LRRC2: variants seen among roughly 807,000 people sequenced by gnomAD.
LRRC2 encodes the protein leucine-rich repeat-containing protein 2.
LRRC2 carries 27 observed loss-of-function variants against 40.2 expected under a neutral mutation model. The ratio of observed to expected loss-of-function variants is 0.67; its 90% CI spans 0.49 to 0.93. The LOEUF is 0.93. LRRC2 is among the 40% of genes least tolerant of loss of function. LRRC2 has a pLI of 0.00. For synonymous variants in LRRC2, 147 were observed against 158.9 expected, an observed-to-expected ratio of 0.92 and a Z score of 0.56; for missense variants, 402 against 439.6, an observed-to-expected ratio of 0.91 and a Z score of 0.76.
intron 2 of LRRC2, 53 bp downstream of exon 2, chr3:46,551,414 C>G (rs1704645958): frequency 1.3e-6 from 2 of 1,589,286 alleles, no homozygotes; most frequent in African/African-American, 1.3e-5. Context: ...TGTTGCCTGT[C>G]CAAATCCTTA....
chr3:46,556,456 T>A (rs1704796680), intron 1 of LRRC2, among the ~76,000 whole-genome samples: 1 of 152,024 alleles, frequency 6.6e-6, no homozygotes, highest in African/African-American at 2.4e-5. Context: ...TTTCTTCAGG[T>A]TAATTATTAT....
rs541481838 is a variant in LRRC2, at chr3:46,544,551, T to C, written c.333+495A>G. Reference sequence around the variant, plus strand: ...AGGGTCCCAGGGAACCCTGTCCCGATGAAATGGGCAATAGCCCAAGTTATT... The same window carrying C: ...AGGGTCCCAGGGAACCCTGTCCCGACGAAATGGGCAATAGCCCAAGTTATT... On this transcript the variant is annotated intron_variant, in intron 3 of 8. Transcript: ENST00000395905. 3.6e-4 allele frequency among the ~76,000 whole-genome samples: 55 copies of C among 152,300 alleles called. No homozygotes were observed. In the East Asian group the frequency reaches 4.2e-3, roughly 12 times the overall value.
intron 1 of LRRC2, among the ~76,000 whole-genome samples, chr3:46,564,652 G>C (rs536633871): frequency 6.6e-6 from 1 of 152,274 alleles, no homozygotes; most frequent in Non-Finnish European, 1.5e-5. Flanking sequence ...ACAGGAGCAA[G>C]GGATGGAGCA....
chr3:46,562,887 G>A (rs2001442), intron 1 of LRRC2, among the ~76,000 whole-genome samples: 57,712 of 151,784 alleles, frequency 0.38, 11,250 homozygotes, highest in East Asian at 0.63. Flanking sequence ...CACCATATCC[G>A]GCTAATTTTT....
Position 46,521,665 on chromosome 3 carries a change from G to T in LRRC2, c.930-7C>A. The T allele has an allele frequency of 6.2e-7, 1 of 1,604,398 alleles. No homozygotes were observed. Among genetic ancestry groups the T allele is most frequent in the South Asian group, 1.1e-5 (1 of 89,624 alleles). On this transcript the variant is annotated splice_polypyrimidine_tract_variant and splice_region_variant and intron_variant, in intron 7 of 8. Transcript: ENST00000395905. Reference sequence around the variant, plus strand: ...GTCCATAAGGCTTACAAATCTATTCGAGAAAGCATGGGAAGTATCACATTA... The same window carrying T: ...GTCCATAAGGCTTACAAATCTATTCTAGAAAGCATGGGAAGTATCACATTA...
In LRRC2 at chr3:46,539,156, A is replaced by G. The variant is rs2107012435; in HGVS notation, c.379T>C (p.Tyr127His). 2 of 1,613,996 alleles carry G rather than the reference A, an allele frequency of 1.2e-6. No homozygotes were observed. Among genetic ancestry groups the G allele is most frequent in the Non-Finnish European group, 1.7e-6 (2 of 1,179,910 alleles). Reference sequence around the variant, plus strand: ...ATTTGAATCAAGGTATTGCTTATGTACCATTCTCTCAGGTGTGTCTGCTCC... The same window carrying G: ...ATTTGAATCAAGGTATTGCTTATGTGCCATTCTCTCAGGTGTGTCTGCTCC... ...LKEQTHLREW[Y>H]ISNTLIQIIP... The change falls in exon 4 of 9, where the codon TAC (tyrosine) becomes CAC (histidine). Residue 127 changes from tyrosine (Y) to histidine (H), a missense_variant. Physicochemically the swap from Tyr to His is moderately conservative, Grantham distance 83. Transcript: ENST00000395905.
In LRRC2 at chr3:46,519,168, T is replaced by G. The variant is rs1703921433; in HGVS notation, c.1067-105A>C. 4 of 790,682 alleles carry G rather than the reference T, an allele frequency of 5.1e-6. No individual in the cohort carries two copies. In the South Asian group the frequency reaches 5.6e-5, roughly 11 times the overall value. The allele number at this position is 790,682 out of a possible 1,614,324, so 49.0% of individuals were successfully genotyped here. A position where few individuals can be genotyped will look rare whatever the true frequency, so the allele number is the denominator to read the frequency against. On this transcript the variant is annotated intron_variant, in intron 8 of 8. Transcript: ENST00000395905. ...TGAATGTATGTCAATACACCCATTA[T>G]TGTCACTTCATGTTTTAAGTATAGA...
chr3:46,556,866 C>T (rs531334740), intron 1 of LRRC2, among the ~76,000 whole-genome samples: 3 of 152,240 alleles, frequency 2.0e-5, no homozygotes, highest in South Asian at 2.1e-4. Context: ...CGTGAGCCAT[C>T]GCGCCCAGCC....
intron 8 of LRRC2, among the ~76,000 whole-genome samples, chr3:46,520,298 T>C (rs1703943201): frequency 6.6e-6 from 1 of 151,396 alleles, no homozygotes; most frequent in South Asian, 2.1e-4. Flanking sequence ...TTTCTTGGAG[T>C]TTTACATAAT....
chr3:46,542,171 T>G (rs1025314157), intron 3 of LRRC2, among the ~76,000 whole-genome samples: 1 of 151,746 alleles, frequency 6.6e-6, no homozygotes, highest in East Asian at 1.9e-4. Context: ...TGTCCCAACA[T>G]GCAAGATAAA....
intron 8 of LRRC2, 22 bp downstream of exon 8, chr3:46,521,500 A>C: frequency 6.5e-7 from 1 of 1,528,894 alleles, no homozygotes; most frequent in Non-Finnish European, 8.8e-7. Flanking sequence ...ATTTTAAATA[A>C]TTTTAAATAT....
At chr3:46,549,633 G>A (rs2176861) in intron 2 of LRRC2, among the ~76,000 whole-genome samples, 45,815 of 152,186 alleles carry the variant, frequency 0.3, 7,365 homozygotes, top group Non-Finnish European at 0.37. Flanking sequence ...CATGAGATGC[G>A]TGAAGCTGTT....
At chr3:46,529,508 G>C (rs1323103703) in intron 6 of LRRC2, among the ~76,000 whole-genome samples, 2 of 152,206 alleles carry the variant, frequency 1.3e-5, no homozygotes, top group Non-Finnish European at 1.5e-5. Flanking sequence ...GAAAGTTTAT[G>C]TATAACGAAT....
chr3:46,548,370 C>T (rs942381624), intron 2 of LRRC2, among the ~76,000 whole-genome samples: 3 of 152,064 alleles, frequency 2.0e-5, no homozygotes, highest in African/African-American at 7.2e-5. Context: ...CCCTCTGAAA[C>T]CTGATGAAAG....
In LRRC2 at chr3:46,551,583, A is replaced by G. The variant is rs1472626466; in HGVS notation, c.9T>C (p.His3=). 1 of 1,612,040 alleles carries G rather than the reference A, an allele frequency of 6.2e-7. No individual in the cohort carries two copies. Among genetic ancestry groups the G allele is most frequent in the Non-Finnish European group, 8.5e-7 (1 of 1,179,458 alleles). Residue 3 remains histidine, a synonymous_variant, in exon 2 of 9, where the codon CAT becomes CAC. Coordinates refer to ENST00000395905, the MANE Select transcript of LRRC2 (RefSeq NM_024512.5). MG[H]KVVVFDISVI... ...CAGAAATGTCGAAGACAACCACTTT[A>G]TGTCCCATTTTGGGAGCATGAAATT...
chr3:46,540,214 T>G (rs917748524), intron 3 of LRRC2, among the ~76,000 whole-genome samples: 18 of 152,216 alleles, frequency 1.2e-4, no homozygotes, highest in Non-Finnish European at 2.6e-4. Context: ...TATTATCTCA[T>G]GCAACAGTAC....
At chr3:46,551,217 G>A (rs1000857049) in intron 2 of LRRC2, 22 of 294,468 alleles carry the variant, frequency 7.5e-5, no homozygotes, top group East Asian at 1.3e-4. Context: ...GGGATTTATC[G>A]TGTCATCTCG....
chr3:46,549,318 A>C (rs1157940137), intron 2 of LRRC2, among the ~76,000 whole-genome samples: 1 of 152,220 alleles, frequency 6.6e-6, no homozygotes, highest in Non-Finnish European at 1.5e-5. Flanking sequence ...GTTAACCCTC[A>C]AATAGTACTA....
chr3:46,562,654 T>C lies in LRRC2; in HGVS notation c.-20+3523A>G, dbSNP rs150925641. On this transcript the variant is annotated intron_variant, in intron 1 of 8. Coordinates refer to ENST00000395905, the MANE Select transcript of LRRC2 (RefSeq NM_024512.5). The stretch of plus-strand genomic sequence containing the variant: ...TTCTCCAAACTTGCTCCTTTAGAGT[T>C]TGTCCATCCTAGGCCTCCTTTAATT... Among the ~76,000 whole-genome samples, 22 of 152,252 alleles carry C rather than the reference T, an allele frequency of 1.4e-4. No individual in the cohort carries two copies. In the East Asian group the frequency reaches 4.2e-3, roughly 29 times the overall value.
Sources: gnomAD v4.1 joint callset for allele counts (sites outside exome capture counted in the v4.1 genomes callset) on GRCh38, gnomAD v4.1.1 for gene constraint, MANE v1.5 for transcripts, NCBI Gene and HGNC (gene_info 2026-07-23, HGNC 2026-07-21) for gene names.